Variants in EGFLAM observed in about 807,000 individuals in gnomAD.
EGFLAM encodes pikachurin.
EGFLAM carries 79 observed loss-of-function variants against 113.1 expected under a neutral mutation model. That is an observed-to-expected ratio of 0.70 (90% CI 0.58 to 0.84). EGFLAM has a LOEUF of 0.84. EGFLAM is among the 40% of genes least tolerant of loss of function. The pLI is 0.00. For missense variants in EGFLAM, 1,265 were observed against 1,291.6 expected, an observed-to-expected ratio of 0.98 and a Z score of 0.32; for synonymous variants, 504 against 487.6, an observed-to-expected ratio of 1.03 and a Z score of -0.44.
chr5:38,435,286 CACCCAG>C (rs775452837), intron 16 of EGFLAM, 33 bp downstream of exon 16: 1 of 1,471,686 alleles, frequency 6.8e-7, no homozygotes, highest in African/African-American at 1.4e-5. Flanking sequence ...TTTACTGGGC[CACCCAG>C]ACTGTAGACA....
chr5:38,282,215 C>T (rs1299608796), intron 1 of EGFLAM: 1 of 152,104 alleles, frequency 6.6e-6, no homozygotes, highest in Non-Finnish European at 1.5e-5. Flanking sequence ...ATTAGGTCAC[C>T]TCCATTGTCT....
rs768588437 is a variant in EGFLAM at position 38,451,450 on chromosome 5, C to G, written c.2679C>G (p.Leu893=). The G allele has an allele frequency of 6.2e-7, 1 of 1,613,916 alleles. No homozygotes were observed. Among genetic ancestry groups the G allele is most frequent in the African/African-American group, 1.3e-5 (1 of 74,942 alleles). ...FISLGLRDGA[L]VFSYNLGSGV... ...CCTTGGGCCTTCGGGATGGAGCCCT[C>G]GTGTTCAGGTAACCCCCTCTCCATC... The change falls in exon 19 of 22, where the codon CTC becomes CTG. Residue 893 remains leucine (L), a synonymous_variant. Transcript: ENST00000322350.
intron 20 of EGFLAM, among the ~76,000 whole-genome samples, chr5:38,459,685 T>C (rs564433707): frequency 6.6e-6 from 1 of 152,216 alleles, no homozygotes; most frequent in East Asian, 1.9e-4. Flanking sequence ...GCGCCCACCA[T>C]GGCTACTTTC....
chr5:38,406,878 A>G lies in EGFLAM; in HGVS notation c.879A>G (p.Glu293=), dbSNP rs1220878148. The part of the protein sequence containing the change: ...TKGGNKKFLV[E]SKKMSISNPK... ...GAGGGAATAAGAAATTTTTGGTGGA[A>G]AGCAAGAAGATGTCTATATCTAACC... is the stretch of plus-strand genomic sequence containing the variant. The change falls in exon 8 of 22, where the codon GAA becomes GAG. Residue 293 remains glutamate (E), a synonymous_variant. Coordinates refer to ENST00000322350, the MANE Select transcript of EGFLAM (RefSeq NM_152403.4). 6.2e-7 allele frequency: 1 copy of G among 1,614,138 alleles called. No individual in the cohort carries two copies.
At chr5:38,270,940 A>G (rs987983454) in intron 1 of EGFLAM, among the ~76,000 whole-genome samples, 4 of 152,232 alleles carry the variant, frequency 2.6e-5, no homozygotes, top group African/African-American at 4.8e-5. Context: ...ATTGACATAA[A>G]TGTATAATTG....
At chr5:38,398,871 T>G (rs556193535) in intron 6 of EGFLAM, among the ~76,000 whole-genome samples, 14 of 152,232 alleles carry the variant, frequency 9.2e-5, no homozygotes, top group Admixed American at 6.5e-4. Context: ...AGAGAACCAT[T>G]CTTATTCTGG....
intron 1 of EGFLAM, among the ~76,000 whole-genome samples, chr5:38,303,524 AG>A (rs892335276): frequency 6.6e-6 from 1 of 152,198 alleles, no homozygotes; most frequent in Non-Finnish European, 1.5e-5. Flanking sequence ...GAGCTAGGCA[AG>A]TCTGGGGCCA....
chr5:38,398,099 G>T (rs780146811), intron 6 of EGFLAM, among the ~76,000 whole-genome samples: 15 of 152,196 alleles, frequency 9.9e-5, no homozygotes, highest in Non-Finnish European at 2.1e-4. Context: ...CTCCAGAGGG[G>T]CTCTGGGTGT....
intron 6 of EGFLAM, chr5:38,400,924 A>G (rs1386043214): frequency 6.6e-6 from 1 of 152,036 alleles, no homozygotes; most frequent in East Asian, 1.9e-4. Context: ...AATTACTTTG[A>G]CTCTAAATCC....
intron 1 of EGFLAM, among the ~76,000 whole-genome samples, chr5:38,270,811 A>G (rs554123312): frequency 1.6e-4 from 24 of 152,342 alleles, no homozygotes; most frequent in African/African-American, 5.3e-4. Context: ...AACATTTGGT[A>G]CATAATGGGC....
intron 19 of EGFLAM, among the ~76,000 whole-genome samples, chr5:38,453,340 G>A (rs1380339935): frequency 6.6e-6 from 1 of 152,206 alleles, no homozygotes; most frequent in Non-Finnish European, 1.5e-5. Flanking sequence ...CTAAACAGTG[G>A]AGAAGCTGAA....
chr5:38,318,996 C>A (rs1024390017), intron 1 of EGFLAM, among the ~76,000 whole-genome samples: 4 of 152,134 alleles, frequency 2.6e-5, no homozygotes, highest in African/African-American at 9.7e-5. Flanking sequence ...TGTTATAGTC[C>A]ATAGTCCTCA....
chr5:38,352,026 G>A (rs1057281723), intron 4 of EGFLAM, among the ~76,000 whole-genome samples, 170 bp from the exon 5 acceptor site: 3 of 152,132 alleles, frequency 2.0e-5, no homozygotes, highest in African/African-American at 7.2e-5. Flanking sequence ...TGTTTGGTTT[G>A]GGTTTTGAGG....
At chr5:38,457,323 C>T (rs1743121612) in intron 19 of EGFLAM, among the ~76,000 whole-genome samples, 1 of 152,212 alleles carries the variant, frequency 6.6e-6, no homozygotes, top group Admixed American at 6.5e-5. Context: ...GAAGTGGGCT[C>T]TCTCACAGTT....
At chr5:38,448,055 G>A (rs191417565) in intron 17 of EGFLAM, among the ~76,000 whole-genome samples, 383 of 152,246 alleles carry the variant, frequency 2.5e-3, no homozygotes, top group African/African-American at 8.1e-3. Context: ...GGCCTTCTCA[G>A]CAGCGCTGAG....
intron 1 of EGFLAM, among the ~76,000 whole-genome samples, chr5:38,336,897 G>C (rs2111944200): frequency 6.6e-6 from 1 of 152,074 alleles, no homozygotes; most frequent in South Asian, 2.1e-4. Flanking sequence ...ATGCTAACAA[G>C]ACTCATTTCT....
chr5:38,261,576 T>A (rs1473701388), intron 1 of EGFLAM, among the ~76,000 whole-genome samples: 1 of 152,180 alleles, frequency 6.6e-6, no homozygotes, highest in African/African-American at 2.4e-5. Flanking sequence ...CAGAACACTG[T>A]GTTTGCAGAG....
chr5:38,345,040 A>G (rs1444935464), intron 3 of EGFLAM, among the ~76,000 whole-genome samples: 1 of 152,214 alleles, frequency 6.6e-6, no homozygotes, highest in South Asian at 2.1e-4. Flanking sequence ...GAGGGAATGG[A>G]AAAGGCAGTT....
intron 16 of EGFLAM, 115 bp downstream of exon 16, chr5:38,435,368 A>G: frequency 1.2e-6 from 1 of 808,466 alleles, no homozygotes. Flanking sequence ...AGAAAGTTTT[A>G]ACATTTTTAA....
Sources: gnomAD v4.1 joint callset for allele counts (sites outside exome capture counted in the v4.1 genomes callset) on GRCh38, gnomAD v4.1.1 for gene constraint, MANE v1.5 for transcripts, NCBI Gene and HGNC (gene_info 2026-07-23, HGNC 2026-07-21) for gene names.